CCDC7: variants seen among roughly 807,000 people sequenced by gnomAD.
CCDC7 encodes the protein coiled-coil domain containing 7, also known as coiled-coil domain-containing protein 7.
In CCDC7, 183 loss-of-function variants were observed where a neutral mutation model predicts 196.9. The ratio of observed to expected loss-of-function variants is 0.93; its 90% CI spans 0.82 to 1.05. The LOEUF (loss-of-function observed/expected upper bound fraction) is 1.05. CCDC7 is among the 50% of genes least tolerant of loss of function. The pLI, the probability that CCDC7 is intolerant of heterozygous loss-of-function variation, is 0.00. For synonymous variants in CCDC7, 525 were observed against 484.6 expected (o/e 1.08, Z -1.10); for missense variants, 1,540 against 1,482.2 (o/e 1.04, Z -0.64).
intron 21 of CCDC7, among the ~76,000 whole-genome samples, chr10:32,664,863 AT>A (rs1204936510): frequency 6.6e-6 from 1 of 151,990 alleles, no homozygotes; most frequent in Non-Finnish European, 1.5e-5. Flanking sequence ...TTGTAGTTCT[AT>A]TTTTAATTTT....
intron 39 of CCDC7, 93 bp downstream of exon 40, chr10:32,848,811 CT>C (rs2093418640): frequency 2.5e-5 from 26 of 1,044,382 alleles, no homozygotes; most frequent in Non-Finnish European, 3.1e-5. Flanking sequence ...TTGCATCTTA[CT>C]TTTTTTTCAG....
chr10:32,654,383 G>A (rs7068017), intron 20 of CCDC7, among the ~76,000 whole-genome samples: 12,606 of 152,166 alleles, frequency 0.083, 566 homozygotes, highest in East Asian at 0.16. Context: ...GTTTCTGTGC[G>A]TGTCTGATAA....
upstream of CCDC7, among the ~76,000 whole-genome samples, chr10:32,448,747 T>C (rs563898300): frequency 2.6e-5 from 4 of 152,234 alleles, no homozygotes; most frequent in East Asian, 7.7e-4. Context: ...CTCCAAAAAT[T>C]GAATCATGTT....
intron 18 of CCDC7, among the ~76,000 whole-genome samples, chr10:32,618,602 T>A (rs2063032881): frequency 6.6e-6 from 1 of 152,044 alleles, no homozygotes; most frequent in African/African-American, 2.4e-5. Context: ...GATTTCTTTT[T>A]TTTTCTCTCA....
exon 19 of CCDC7, chr10:32,634,302 C>T: frequency 1.6e-6 from 2 of 1,219,942 alleles, no homozygotes; most frequent in Non-Finnish European, 2.0e-6. Context: ...AATAAAGATT[C>T]AGTAACAAAA....
Position 32,495,831 on chromosome 10 carries a change from C to T in CCDC7, c.872+3834C>T, listed in dbSNP as rs567170636. 4.6e-5 allele frequency among the ~76,000 whole-genome samples: 7 copies of T among 152,268 alleles called. No individual in the cohort carries two copies. The East Asian group carries it at 1.3e-3, about 29-fold the overall frequency. The stretch of plus-strand genomic sequence containing the variant: ...AGTTTGAAGCCAGGTAGCATGATGC[C>T]TCCAGCTTTATTCTTTTTGCTTAGG... On this transcript the variant is annotated intron_variant, in intron 9 of 41. Coordinates refer to ENST00000639629, the Ensembl canonical transcript of CCDC7.
intron 28 of CCDC7, among the ~76,000 whole-genome samples, chr10:32,763,306 A>G (rs1250667248): frequency 1.3e-5 from 2 of 152,010 alleles, no homozygotes; most frequent in Non-Finnish European, 2.9e-5. Flanking sequence ...AATAAAAACC[A>G]TGAGTTATCA....
At chr10:32,502,171 G>C (rs1254820317) in intron 9 of CCDC7, among the ~76,000 whole-genome samples, 1 of 152,198 alleles carries the variant, frequency 6.6e-6, no homozygotes, top group African/African-American at 2.4e-5. Context: ...GACTCTGTGG[G>C]GGTGGGACCC....
chr10:32,474,027 AGTTT>A lies in CCDC7; in HGVS notation c.796+5_796+8del. The A allele has an allele frequency of 6.2e-7, 1 of 1,610,822 alleles. No individual in the cohort carries two copies. Among genetic ancestry groups the A allele is most frequent in the Middle Eastern group, 1.7e-4 (1 of 6,026 alleles). On this transcript the variant is annotated splice_donor_5th_base_variant and intron_variant, in intron 8 of 41. Transcript: ENST00000639629. ...GATGTTTCTGCAACAGAACCACGTAAGTTTCCACTCATTAAAGCATTATTGTGAT... is the reference window on the plus strand; with the variant it reads ...GATGTTTCTGCAACAGAACCACGTAACCACTCATTAAAGCATTATTGTGAT...
chr10:32,613,602 G>T (rs1002912889), intron 18 of CCDC7, among the ~76,000 whole-genome samples: 1 of 152,046 alleles, frequency 6.6e-6, no homozygotes, highest in Non-Finnish European at 1.5e-5. Context: ...CAGAGATTCT[G>T]GTATGCTGTG....
chr10:32,599,316 C>T (rs560759099), intron 18 of CCDC7, among the ~76,000 whole-genome samples: 1 of 152,178 alleles, frequency 6.6e-6, no homozygotes, highest in East Asian at 1.9e-4. Flanking sequence ...AAATGAGTCT[C>T]TTATACATAG....
At position 32,585,362 on chromosome 10, in the gene CCDC7, C is replaced by T. The variant is rs17585227; in HGVS notation, c.1801+1058C>T. On this transcript the variant is annotated intron_variant, in intron 18 of 41. Coordinates refer to ENST00000639629, the Ensembl canonical transcript of CCDC7. ...TGCTGGGATTACAGGCGTGAGCCAC[C>T]GCGCCCAGCCAAATTTTTTAATTAT... Among the ~76,000 whole-genome samples, 1,163 of 152,284 alleles carry T rather than the reference C, an allele frequency of 7.6e-3. 9 individuals carry two copies. The highest frequency in any genetic ancestry group is 0.012 in the Non-Finnish European group (822 of 68,022).
chr10:32,514,880 A>G lies in CCDC7; in HGVS notation c.873-3065A>G, dbSNP rs571609210. Among the ~76,000 whole-genome samples the G allele has an allele frequency of 1.3e-3, 198 of 152,300 alleles. 1 individual carries two copies. Among genetic ancestry groups the G allele is most frequent in the African/African-American group, 4.5e-3 (187 of 41,558 alleles). On this transcript the variant is annotated intron_variant, in intron 9 of 41. Coordinates refer to ENST00000639629, the Ensembl canonical transcript of CCDC7. Reference sequence around the variant, plus strand: ...CACTCTGTCACCCAGGCTGGTGTGCAGTGATGTAATCATAGCTCACTTCAG... The same window carrying G: ...CACTCTGTCACCCAGGCTGGTGTGCGGTGATGTAATCATAGCTCACTTCAG...
At chr10:32,493,830 C>A (rs995354548) in intron 9 of CCDC7, among the ~76,000 whole-genome samples, 7 of 152,014 alleles carry the variant, frequency 4.6e-5, no homozygotes, top group Non-Finnish European at 7.4e-5. Context: ...ACCCTGTTGA[C>A]CATTCACATG....
At chr10:32,643,432 T>A (rs58809731) in intron 20 of CCDC7, among the ~76,000 whole-genome samples, 13,410 of 151,990 alleles carry the variant, frequency 0.088, 857 homozygotes, top group East Asian at 0.33. Context: ...ATAGTTAGAT[T>A]TTTTTTTGTT....
rs990067832 is a variant in CCDC7 at position 32,729,127 on chromosome 10, A to G, written c.2779+130A>G. On this transcript the variant is annotated intron_variant, in intron 27 of 41. Transcript: ENST00000639629. ...TTTAACTTTGACCTAAAGTGTGAAT[A>G]CCCTATGATAACTAGAGAACAAAAG... 4.9e-6 allele frequency: 4 copies of G among 816,878 alleles called. No homozygotes were observed. In the African/African-American group the frequency reaches 7.0e-5, roughly 14 times the overall value. 50.6% of individuals were successfully genotyped at this position (816,878 alleles called of 1,614,324 possible).
At chr10:32,609,520 T>A (rs1202085733) in intron 18 of CCDC7, among the ~76,000 whole-genome samples, 1 of 152,058 alleles carries the variant, frequency 6.6e-6, no homozygotes, top group African/African-American at 2.4e-5. Flanking sequence ...AGTCATTTTT[T>A]AAAAAATCCA....
chr10:32,797,395 A>G (rs2083820682), intron 29 of CCDC7, among the ~76,000 whole-genome samples: 1 of 152,002 alleles, frequency 6.6e-6, no homozygotes, highest in Non-Finnish European at 1.5e-5. Context: ...CTATTATTCT[A>G]AGTGAAGTAA....
In CCDC7 at chr10:32,865,185, A is replaced by G. The variant is rs555662574; in HGVS notation, c.4111+10696A>G. 5.3e-4 allele frequency among the ~76,000 whole-genome samples: 81 copies of G among 152,034 alleles called. 1 individual carries two copies. The South Asian group carries it at 0.016, about 30-fold the overall frequency. ...TGAATGGAGAAAAAGTGTTTATAAT[A>G]CATATAGCTTATAATAGACTTCTCT... On this transcript the variant is annotated intron_variant, in intron 41 of 41. Coordinates refer to ENST00000639629, the Ensembl canonical transcript of CCDC7.
Sources: gnomAD v4.1 joint callset for allele counts (sites outside exome capture counted in the v4.1 genomes callset) on GRCh38, gnomAD v4.1.1 for gene constraint, MANE v1.5 for transcripts, NCBI Gene and HGNC (gene_info 2026-07-23, HGNC 2026-07-21) for gene names.